The following WSCD2 variants were observed in gnomAD, a reference collection of about 807,000 sequenced individuals.
WSCD2 encodes the protein WSC domain sialate O sulfotransferase 2, also known as sialate:O-sulfotransferase 2.
In WSCD2, 28 loss-of-function variants were observed where a neutral mutation model predicts 55.7. The ratio of observed to expected loss-of-function variants is 0.50; its 90% CI spans 0.37 to 0.69. WSCD2 has a LOEUF of 0.69. Ranked by LOEUF, WSCD2 falls within the 30% of genes least tolerant of loss-of-function variation. WSCD2 has a pLI of 0.00. For missense variants in WSCD2, 616 were observed against 762.1 expected, an observed-to-expected ratio of 0.81 and a Z score of 2.26; for synonymous variants, 301 against 301.9, an observed-to-expected ratio of 1.00 and a Z score of 0.03.
chr12:108,219,155 T>C (rs535274700), intron 4 of WSCD2, among the ~76,000 whole-genome samples: 8 of 152,298 alleles, frequency 5.3e-5, no homozygotes, highest in African/African-American at 1.7e-4. Flanking sequence ...CGTGGGATTA[T>C]TGTCTCCACG....
intron 1 of WSCD2, among the ~76,000 whole-genome samples, chr12:108,132,623 G>A (rs931450714): frequency 6.6e-6 from 1 of 152,006 alleles, no homozygotes; most frequent in Non-Finnish European, 1.5e-5. Context: ...TTGTATATAT[G>A]TGAGTCATGT....
intron 1 of WSCD2, among the ~76,000 whole-genome samples, chr12:108,187,917 G>A (rs1184393937): frequency 6.6e-6 from 1 of 152,118 alleles, no homozygotes; most frequent in Non-Finnish European, 1.5e-5. Context: ...GTCCATAGTG[G>A]CCCACCCTGA....
chr12:108,146,652 G>T (rs1316546688), intron 1 of WSCD2, among the ~76,000 whole-genome samples: 1 of 152,222 alleles, frequency 6.6e-6, no homozygotes, highest in Non-Finnish European at 1.5e-5. Flanking sequence ...GGGCTCCAAG[G>T]TGGGGCAGCT....
intron 1 of WSCD2, among the ~76,000 whole-genome samples, chr12:108,168,305 A>G (rs1176139638): frequency 6.6e-6 from 1 of 152,218 alleles, no homozygotes; most frequent in Admixed American, 6.5e-5. Context: ...GATCCTGATC[A>G]TGCTCTGCCA....
chr12:108,202,036 A>G (rs1325558723), intron 2 of WSCD2, among the ~76,000 whole-genome samples: 1 of 152,170 alleles, frequency 6.6e-6, no homozygotes, highest in Non-Finnish European at 1.5e-5. Flanking sequence ...TGTTTTACAT[A>G]TCTGACCTCC....
At chr12:108,215,564 G>C (rs936500968) in intron 4 of WSCD2, among the ~76,000 whole-genome samples, 1 of 152,136 alleles carries the variant, frequency 6.6e-6, no homozygotes, top group African/African-American at 2.4e-5. Context: ...TCTAAAAATA[G>C]CTGGCTTGAA....
chr12:108,130,854 C>A (rs1480758232), intron 1 of WSCD2, among the ~76,000 whole-genome samples: 1 of 152,124 alleles, frequency 6.6e-6, no homozygotes, highest in Non-Finnish European at 1.5e-5. Flanking sequence ...CCCCTAGAGG[C>A]TCTGCTGAGC....
chr12:108,162,284 A>C (rs537745132), intron 1 of WSCD2, among the ~76,000 whole-genome samples: 5 of 152,062 alleles, frequency 3.3e-5, no homozygotes, highest in Non-Finnish European at 7.4e-5. Context: ...ATCTCTCCGG[A>C]AGCTCTTGGA....
chr12:108,238,306 G>A (rs1299163827), intron 7 of WSCD2, among the ~76,000 whole-genome samples: 3 of 152,184 alleles, frequency 2.0e-5, no homozygotes, highest in Admixed American at 6.5e-5. Context: ...CTTATCCCAG[G>A]CAACTTAACT....
chr12:108,202,578 T>C (rs1884835326), intron 2 of WSCD2, among the ~76,000 whole-genome samples: 1 of 152,170 alleles, frequency 6.6e-6, no homozygotes, highest in Non-Finnish European at 1.5e-5. Context: ...TGAAGGCCAT[T>C]ATTCTTAGCA....
rs191988465 is a variant in WSCD2, at chr12:108,175,100, G to A, written c.-551-20182G>A. Among the ~76,000 whole-genome samples, 542 of 152,326 alleles carry A rather than the reference G, an allele frequency of 3.6e-3. 3 individuals are homozygous for A. The highest frequency in any genetic ancestry group is 4.6e-3 in the Non-Finnish European group (313 of 68,026). On this transcript the variant is annotated intron_variant, in intron 1 of 8. Coordinates refer to ENST00000547525, the MANE Select transcript of WSCD2 (RefSeq NM_014653.4). ...TTTTATAAGCACGTGATTCTTCACA[G>A]GGCACAATTCCTTCCCTGCCCAAAG... is the stretch of plus-strand genomic sequence containing the variant.
intron 1 of WSCD2, among the ~76,000 whole-genome samples, chr12:108,150,304 G>A (rs1592890192): frequency 6.6e-6 from 1 of 152,146 alleles, no homozygotes; most frequent in Admixed American, 6.5e-5. Flanking sequence ...ATGGAGTATA[G>A]AATTCACCCC....
intron 4 of WSCD2, among the ~76,000 whole-genome samples, chr12:108,223,193 T>G (rs942782558): frequency 6.6e-6 from 1 of 152,210 alleles, no homozygotes; most frequent in Admixed American, 6.5e-5. Context: ...AATACCTTCA[T>G]AGCAACATCT....
At chr12:108,130,464 GTCCAT>G (rs914987316) in intron 1 of WSCD2, among the ~76,000 whole-genome samples, 3 of 150,028 alleles carry the variant, frequency 2.0e-5, no homozygotes, top group African/African-American at 7.4e-5. Context: ...ATTTGCTTAT[GTCCAT>G]TCTGGGGTGT....
intron 1 of WSCD2, among the ~76,000 whole-genome samples, chr12:108,161,327 G>A (rs1348500054): frequency 6.6e-6 from 1 of 152,172 alleles, no homozygotes; most frequent in African/African-American, 2.4e-5. Flanking sequence ...TAGGGTAATT[G>A]CAGATGGAAT....
At chr12:108,164,185 C>T (rs1288949459) in intron 1 of WSCD2, among the ~76,000 whole-genome samples, 4 of 109,330 alleles carry the variant, frequency 3.7e-5, no homozygotes, top group African/African-American at 1.1e-4. Flanking sequence ...TGTTTGAAAA[C>T]GTCCTACAAT....
At chr12:108,227,754 G>GA (rs1565985782) in intron 6 of WSCD2, among the ~76,000 whole-genome samples, 2 of 111,708 alleles carry the variant, frequency 1.8e-5, no homozygotes, top group Non-Finnish European at 3.9e-5. Flanking sequence ...GATGATGATG[G>GA]TGATGATTAT....
chr12:108,160,262 A>T (rs532427886), intron 1 of WSCD2, among the ~76,000 whole-genome samples: 1 of 152,294 alleles, frequency 6.6e-6, no homozygotes, highest in East Asian at 1.9e-4. Context: ...GCTTACTTTA[A>T]ATCCCACCTT....
In WSCD2 at chr12:108,250,402, T is replaced by C. The variant is rs1890366496; in HGVS notation, c.*2059T>C. Reference sequence around the variant, plus strand: ...TCTGTGTGTAAAATTGCCTTTGTGTTCTCCTGCCTTTCTATGTTTTGAAAC... The same window carrying C: ...TCTGTGTGTAAAATTGCCTTTGTGTCCTCCTGCCTTTCTATGTTTTGAAAC... On this transcript the variant is annotated 3_prime_UTR_variant, in exon 9 of 9. Transcript: ENST00000547525. 6.6e-6 allele frequency: 1 copy of C among 152,288 alleles called. No individual in the cohort carries two copies. The highest frequency in any genetic ancestry group is 1.5e-5 in the Non-Finnish European group (1 of 68,100). 9.4% of individuals were successfully genotyped at this position (152,288 alleles called of 1,614,324 possible). A position where few individuals can be genotyped will look rare whatever the true frequency, so the allele number is the denominator to read the frequency against.
Sources: allele counts gnomAD v4.1 joint callset (sites outside exome capture counted in the v4.1 genomes callset), GRCh38; gene constraint gnomAD v4.1.1; transcripts MANE v1.5; gene names NCBI Gene and HGNC (gene_info 2026-07-23, HGNC 2026-07-21).